NUDT1: variants seen among roughly 807,000 people sequenced by gnomAD.
The protein encoded by NUDT1 is oxidized purine nucleoside triphosphate hydrolase.
NUDT1 carries 16 observed loss-of-function variants against 11.3 expected under a neutral mutation model. The ratio of observed to expected loss-of-function variants is 1.41; its 90% CI spans 0.96 to 2.15. The LOEUF (loss-of-function observed/expected upper bound fraction) is 2.15, where lower values mean the gene tolerates loss of function less well. Among genes scored for constraint, NUDT1 ranks in the 30% most tolerant of loss-of-function variants. NUDT1 has a pLI of 0.00. For synonymous variants in NUDT1, 101 were observed against 84.4 expected, an observed-to-expected ratio of 1.20 and a Z score of -1.08; for missense variants, 234 against 208.4, an observed-to-expected ratio of 1.12 and a Z score of -0.76.
intron 2 of NUDT1, among the ~76,000 whole-genome samples, chr7:2,247,696 G>A (rs1220064647): frequency 2.6e-5 from 4 of 152,234 alleles, no homozygotes; most frequent in African/African-American, 9.6e-5. Context: ...ACTGAACAGC[G>A]TCATCTTCGC....
chr7:2,242,789 T>C (rs1006717524), intron 1 of NUDT1: 4 of 595,994 alleles, frequency 6.7e-6, no homozygotes, highest in African/African-American at 5.5e-5. Flanking sequence ...TAGGGGTGAA[T>C]GTTTGCAGCT....
intron 1 of NUDT1, 112 bp from the exon 2 acceptor site, chr7:2,244,451 T>TGC: frequency 1.0e-6 from 1 of 981,622 alleles, no homozygotes; most frequent in Non-Finnish European, 1.5e-6. Context: ...AGTTACAGCA[T>TGC]ACCCCCCCGC....
intron 2 of NUDT1, among the ~76,000 whole-genome samples, chr7:2,245,475 T>G (rs1794733595): frequency 6.6e-6 from 1 of 152,194 alleles, no homozygotes; most frequent in East Asian, 1.9e-4. Flanking sequence ...AGAAATACGT[T>G]TTGTACTCTG....
intron 1 of NUDT1, chr7:2,242,935 T>C: frequency 1.4e-6 from 1 of 712,778 alleles, no homozygotes; most frequent in Non-Finnish European, 2.6e-6. Context: ...GTTTCTTGCC[T>C]TGATGTACTG....
At chr7:2,246,787 C>T (rs933628909) in intron 2 of NUDT1, among the ~76,000 whole-genome samples, 4 of 152,246 alleles carry the variant, frequency 2.6e-5, no homozygotes, top group South Asian at 2.1e-4. Context: ...CTTCCATCCT[C>T]GGGTGTAACC....
chr7:2,249,129 CGTG>C (rs1794880403), intron 2 of NUDT1, among the ~76,000 whole-genome samples: 2 of 152,224 alleles, frequency 1.3e-5, no homozygotes, highest in South Asian at 4.1e-4. Context: ...TTGGGCATCC[CGTG>C]GTGAAGTCAG....
chr7:2,243,100 C>T (rs1794617295), intron 1 of NUDT1: 8 of 689,132 alleles, frequency 1.2e-5, no homozygotes, highest in Middle Eastern at 2.3e-4. Context: ...CTCCTCTGAC[C>T]GCCCCTGCCA....
At position 2,250,967 on chromosome 7, in the gene NUDT1, T is replaced by A. The variant is rs577899382; in HGVS notation, c.437T>A (p.Leu146Gln). The change falls in exon 4 of 4, where the codon CTG becomes CAG. Residue 146 changes from leucine to glutamine, a missense_variant. Transcript: ENST00000356714. The stretch of plus-strand genomic sequence containing the variant: ...AAGTTCCAGGGTCAGGACACCATCC[T>A]GGACTACACACTCCGCGAGGTGGAC... ...YFKFQGQDTILDYTLREVDTV is the reference protein window; with the variant it reads ...YFKFQGQDTIQDYTLREVDTV The A allele has an allele frequency of 1.2e-6, 2 of 1,613,904 alleles. No individual in the cohort carries two copies. The highest frequency in any genetic ancestry group is 1.1e-5 in the South Asian group (1 of 91,082).
intron 2 of NUDT1, among the ~76,000 whole-genome samples, chr7:2,246,293 C>T (rs1165968654): frequency 5.3e-5 from 8 of 152,322 alleles, no homozygotes; most frequent in Admixed American, 2.0e-4. Context: ...TTCAGGAGAC[C>T]TGCAGAAGGA....
chr7:2,245,119 T>C (rs1028701470), intron 2 of NUDT1, among the ~76,000 whole-genome samples: 1 of 152,116 alleles, frequency 6.6e-6, no homozygotes, highest in African/African-American at 2.4e-5. Context: ...GTCTGTTCAG[T>C]GGAGCTGATG....
intron 1 of NUDT1, chr7:2,242,689 G>T: frequency 2.4e-6 from 1 of 416,130 alleles, no homozygotes. Flanking sequence ...CGATGAGGAT[G>T]TGGCTCACTT....
At position 2,250,020 on chromosome 7, in the gene NUDT1, T is replaced by G. The variant is rs1794923513; in HGVS notation, c.298+18T>G. ...GAGCGACGGTGAGTCTCACAGGGCCTGCTCCCCCTCCCCACTATGCGGGTC... is the reference window on the plus strand; with the variant it reads ...GAGCGACGGTGAGTCTCACAGGGCCGGCTCCCCCTCCCCACTATGCGGGTC... On this transcript the variant is annotated intron_variant, in intron 3 of 3. Coordinates refer to ENST00000356714, the MANE Select transcript of NUDT1 (RefSeq NM_002452.4). 2 of 1,613,210 alleles carry G rather than the reference T, an allele frequency of 1.2e-6. No homozygotes were observed. Among genetic ancestry groups the G allele is most frequent in the Non-Finnish European group, 1.7e-6 (2 of 1,179,736 alleles).
intron 3 of NUDT1, among the ~76,000 whole-genome samples, chr7:2,250,607 G>A (rs909772880): frequency 2.4e-4 from 37 of 151,098 alleles, no homozygotes; most frequent in South Asian, 1.5e-3. Flanking sequence ...ACAGGCGCCC[G>A]CCACCACGCC....
exon 4 of NUDT1, chr7:2,251,144 T>TG (rs1252961915): frequency 5.9e-6 from 4 of 680,632 alleles, no homozygotes; most frequent in Middle Eastern, 4.3e-4. Flanking sequence ...TATCTAGCGG[T>TG]GGTTTTTTTT....
At chr7:2,244,385 G>T in intron 1 of NUDT1, 178 bp from the exon 2 acceptor site, 1 of 584,652 alleles carries the variant, frequency 1.7e-6, no homozygotes, top group Non-Finnish European at 2.9e-6. Flanking sequence ...AAAATCACTG[G>T]TTCAATGGCA....
At chr7:2,242,771 G>A in intron 1 of NUDT1, 1 of 506,478 alleles carries the variant, frequency 2.0e-6, no homozygotes. Flanking sequence ...CCACCCCACG[G>A]CAGTGTCTAG....
At chr7:2,244,886 C>A (rs1794711521) in intron 2 of NUDT1, among the ~76,000 whole-genome samples, 160 bp downstream of exon 2, 1 of 152,208 alleles carries the variant, frequency 6.6e-6, no homozygotes, top group African/African-American at 2.4e-5. Context: ...GAAGAACAGT[C>A]CGCAGCCCTT....
intron 1 of NUDT1, chr7:2,242,476 T>C (rs986939105): frequency 1.9e-5 from 9 of 475,164 alleles, no homozygotes; most frequent in African/African-American, 1.6e-4. Flanking sequence ...GGGCGGAGGC[T>C]TGGGGGAGAC....
At chr7:2,247,633 C>T (rs942404817) in intron 2 of NUDT1, among the ~76,000 whole-genome samples, 2 of 152,224 alleles carry the variant, frequency 1.3e-5, no homozygotes, top group African/African-American at 4.8e-5. Context: ...CCCTGTTCCC[C>T]GTGTTCCGCC....
Sources: allele counts gnomAD v4.1 joint callset (sites outside exome capture counted in the v4.1 genomes callset), GRCh38; gene constraint gnomAD v4.1.1; transcripts MANE v1.5; gene names NCBI Gene and HGNC (gene_info 2026-07-23, HGNC 2026-07-21).